Variants in B4GALT1 observed in about 807,000 individuals in gnomAD.
B4GALT1 encodes the protein N-acetyllactosamine synthase.
B4GALT1 carries 16 observed loss-of-function variants against 34.9 expected under a neutral mutation model. The observed-to-expected ratio is 0.46, with a 90% CI of 0.31 to 0.70. B4GALT1 has a LOEUF of 0.70. Among genes scored for constraint, B4GALT1 ranks in the 30% least tolerant of loss-of-function variants. The pLI is 0.05. For synonymous variants in B4GALT1, 221 were observed against 218.1 expected (o/e 1.01, Z -0.12); for missense variants, 445 against 530.5 (o/e 0.84, Z 1.58).
intron 4 of B4GALT1, 45 bp downstream of exon 4, chr9:33,115,946 G>A (rs747561068): frequency 6.3e-7 from 1 of 1,594,520 alleles, no homozygotes; most frequent in South Asian, 1.1e-5. Context: ...AAAACTGGAA[G>A]TGAAGGTTGA....
intron 2 of B4GALT1, among the ~76,000 whole-genome samples, chr9:33,134,034 G>A (rs924817539): frequency 3.3e-5 from 5 of 152,202 alleles, no homozygotes; most frequent in Non-Finnish European, 7.3e-5. Context: ...TCCAATCACA[G>A]GATATTTGGG....
At chr9:33,150,144 G>GATATATACACACATACATACACACACAT (rs6150980) in intron 1 of B4GALT1, among the ~76,000 whole-genome samples, 1 of 148,816 alleles carries the variant, frequency 6.7e-6, no homozygotes, top group African/African-American at 2.5e-5. Flanking sequence ...TATAGATATA[G>GATATATACACACATACATACACACACAT]ATATATACAC....
intron 2 of B4GALT1, among the ~76,000 whole-genome samples, chr9:33,122,056 C>A (rs777137549): frequency 2.0e-5 from 3 of 152,134 alleles, no homozygotes; most frequent in Admixed American, 6.5e-5. Flanking sequence ...CATGAGGAAA[C>A]GAACTAAGGC....
downstream of B4GALT1, among the ~76,000 whole-genome samples, chr9:33,107,691 C>T (rs1201707838): frequency 6.6e-6 from 1 of 152,166 alleles, no homozygotes; most frequent in African/African-American, 2.4e-5. Context: ...CTGTATGAGA[C>T]TAGAAACAGA....
the B4GALT1 span, among the ~76,000 whole-genome samples, chr9:33,177,228 T>C: frequency 2.0e-5 from 3 of 152,232 alleles, no homozygotes; most frequent in Non-Finnish European, 1.5e-5. Flanking sequence ...TCCATGTTAC[T>C]ACATGTTACT....
chr9:33,119,458 T>C (rs1342298442), intron 3 of B4GALT1, among the ~76,000 whole-genome samples: 2 of 152,212 alleles, frequency 1.3e-5, no homozygotes, highest in African/African-American at 4.8e-5. Context: ...GGTTCACACC[T>C]GTAATCCCAA....
chr9:33,146,584 G>C (rs1013384518), intron 1 of B4GALT1, among the ~76,000 whole-genome samples: 9 of 152,206 alleles, frequency 5.9e-5, no homozygotes, highest in Admixed American at 5.9e-4. Context: ...TCACTGCCAA[G>C]TCAGGATGCT....
the B4GALT1 span, among the ~76,000 whole-genome samples, chr9:33,172,928 G>A: frequency 2.0e-5 from 3 of 151,880 alleles, no homozygotes; most frequent in Non-Finnish European, 2.9e-5. Context: ...AGGATAGGGA[G>A]GGGTAAGGGT....
At chr9:33,162,814 T>C (rs1262560936) in intron 1 of B4GALT1, among the ~76,000 whole-genome samples, 1 of 152,206 alleles carries the variant, frequency 6.6e-6, no homozygotes, top group East Asian at 1.9e-4. Flanking sequence ...CTGGAATGAA[T>C]TACAGCAGCC....
intron 1 of B4GALT1, among the ~76,000 whole-genome samples, chr9:33,147,004 A>G: frequency 6.6e-6 from 1 of 151,770 alleles, no homozygotes; most frequent in East Asian, 2.0e-4. Flanking sequence ...CCTGGCCCCC[A>G]AATGCAATTT....
chr9:33,116,076 G>C lies in B4GALT1; in HGVS notation c.874C>G (p.Leu292Val). 6.2e-7 allele frequency: 1 copy of C among 1,613,556 alleles called. No homozygotes were observed. Among genetic ancestry groups the C allele is most frequent in the Non-Finnish European group, 8.5e-7 (1 of 1,179,658 alleles). ...ATGGTTAGAAACTGTTGTTTACTTA[G>C]AGCAGAGACACCTCCAAAATACTGA... ...YVQYFGGVSA[L>V]SKQQFLTING... The change falls in exon 4 of 6, where the codon CTA (leucine) becomes GTA (valine). Residue 292 changes from leucine (L) to valine (V), a missense_variant. By Grantham distance (32) the Leu-to-Val change is conservative. Around this residue, in one of 3 missense-constraint regions of B4GALT1, gnomAD observed 349 missense variants for 395.5 expected, o/e 0.88. Coordinates refer to ENST00000379731, the MANE Select transcript of B4GALT1 (RefSeq NM_001497.4).
At chr9:33,152,280 G>A (rs1202714688) in intron 1 of B4GALT1, among the ~76,000 whole-genome samples, 2 of 151,774 alleles carry the variant, frequency 1.3e-5, no homozygotes, top group Middle Eastern at 3.4e-3. Flanking sequence ...CTCCAGCCTG[G>A]GCGACAGAGC....
chr9:33,124,884 A>C (rs1840069130), intron 2 of B4GALT1, among the ~76,000 whole-genome samples: 1 of 152,266 alleles, frequency 6.6e-6, no homozygotes, highest in Admixed American at 6.5e-5. Context: ...TTCTCACAGC[A>C]GAAGAGAGTC....
Position 33,113,477 on chromosome 9 carries a change from C to G in B4GALT1, c.1174G>C (p.Val392Leu). ...QRYPLYTQIT[V>L]DIGTPS ...CGCTAGCTCGGTGTCCCGATGTCCA[C>G]TGTGATTTGGGTATACAATGGGTAT... is the stretch of plus-strand genomic sequence containing the variant. The change falls in exon 6 of 6, where the codon GTG becomes CTG. Residue 392 changes from valine (V) to leucine (L), a missense_variant. This residue lies in a region of B4GALT1 where 89 missense variants were observed against 107.6 expected (regional missense o/e 0.83). Coordinates refer to ENST00000379731, the MANE Select transcript of B4GALT1 (RefSeq NM_001497.4). The G allele has an allele frequency of 6.2e-7, 1 of 1,614,218 alleles. No individual in the cohort carries two copies. The highest frequency in any genetic ancestry group is 8.5e-7 in the Non-Finnish European group (1 of 1,180,042).
chr9:33,124,450 T>C (rs545688120), intron 2 of B4GALT1, among the ~76,000 whole-genome samples: 1 of 152,332 alleles, frequency 6.6e-6, no homozygotes, highest in South Asian at 2.1e-4. Context: ...CTCTTTTGTG[T>C]TATGGGGAGA....
intron 1 of B4GALT1, among the ~76,000 whole-genome samples, chr9:33,152,364 C>T (rs1450463259): frequency 9.3e-6 from 1 of 108,098 alleles, no homozygotes; most frequent in African/African-American, 4.0e-5. Context: ...CATAACATAA[C>T]ATAACAACTT....
chr9:33,111,103 C>T lies in B4GALT1; in HGVS notation c.*2351G>A, dbSNP rs898849257. 3 of 152,568 alleles carry T rather than the reference C, an allele frequency of 2.0e-5. No homozygotes were observed. The highest frequency in any genetic ancestry group is 7.2e-5 in the African/African-American group (3 of 41,412). The allele number at this position is 152,568 out of a possible 1,614,324, so 9.5% of individuals were successfully genotyped here. A position where few individuals can be genotyped will look rare whatever the true frequency, so the allele number is the denominator to read the frequency against. ...AACAGGACCCGCGGCATCTCACGGA[C>T]CAGGCAAACATCCAGGCCTAACTGT... On this transcript the variant is annotated 3_prime_UTR_variant, in exon 6 of 6. Transcript: ENST00000379731.
At chr9:33,179,550 C>T in the B4GALT1 span, 2 of 152,212 alleles carry the variant, frequency 1.3e-5, no homozygotes, top group Non-Finnish European at 2.9e-5. Flanking sequence ...ATTAAGCCTT[C>T]TTATACAAAC....
Position 33,113,453 on chromosome 9 carries a change from G to T in B4GALT1, c.*1C>A. ...AGGTCTCTTATCCGTGTACCAAAAC[G>T]CTAGCTCGGTGTCCCGATGTCCACT... On this transcript the variant is annotated 3_prime_UTR_variant, in exon 6 of 6. Transcript: ENST00000379731. The T allele has an allele frequency of 6.2e-7, 1 of 1,614,180 alleles. No homozygotes were observed. Among genetic ancestry groups the T allele is most frequent in the Non-Finnish European group, 8.5e-7 (1 of 1,180,036 alleles).
Sources: allele counts gnomAD v4.1 joint callset (sites outside exome capture counted in the v4.1 genomes callset), GRCh38; gene constraint gnomAD v4.1.1; regional missense constraint gnomAD v4.1.1; transcripts MANE v1.5; gene names NCBI Gene and HGNC (gene_info 2026-07-23, HGNC 2026-07-21).